Variants in ZSCAN31 observed in about 807,000 individuals in gnomAD.
ZSCAN31 encodes the protein zinc finger and SCAN domain containing 31, also known as zinc finger and SCAN domain-containing protein 31.
In ZSCAN31, 14 loss-of-function variants were observed where a neutral mutation model predicts 22.5. The observed-to-expected ratio is 0.62, with a 90% CI of 0.41 to 0.97. ZSCAN31 has a LOEUF of 0.97. Ranked by LOEUF, ZSCAN31 falls within the 50% of genes least tolerant of loss-of-function variation. The pLI is 0.00. For synonymous variants in ZSCAN31, 168 were observed against 169.8 expected (o/e 0.99, Z 0.08); for missense variants, 424 against 483.4 (o/e 0.88, Z 1.15).
intron 2 of ZSCAN31, among the ~76,000 whole-genome samples, 156 bp from the exon 3 acceptor site, chr6:28,327,689 A>G (rs1763405565): frequency 6.6e-6 from 1 of 152,202 alleles, no homozygotes; most frequent in South Asian, 2.1e-4. Context: ...AAAGCAAAAC[A>G]GGGAAGAGTG....
At chr6:28,348,904 C>T (rs1764767909) in intron 2 of ZSCAN31, among the ~76,000 whole-genome samples, 1 of 149,314 alleles carries the variant, frequency 6.7e-6, no homozygotes, top group South Asian at 2.1e-4. Context: ...GTCTTATATA[C>T]ATAGGTGTAT....
chr6:28,327,635 G>C (rs1188050192), intron 2 of ZSCAN31, 102 bp from the exon 3 acceptor site: 2 of 1,324,990 alleles, frequency 1.5e-6, no homozygotes, highest in South Asian at 2.8e-5. Context: ...ACATTTTCTA[G>C]AGAGATGTCA....
chr6:28,340,675 T>G (rs974257759), upstream of ZSCAN31, among the ~76,000 whole-genome samples: 1 of 152,260 alleles, frequency 6.6e-6, no homozygotes. Context: ...TTTTGTAGTA[T>G]TCTTATATAT....
At chr6:28,340,861 C>T (rs1277118844), upstream of ZSCAN31, among the ~76,000 whole-genome samples, 1 of 152,062 alleles carries the variant, frequency 6.6e-6, no homozygotes, top group East Asian at 1.9e-4. Flanking sequence ...GCTGTCACTT[C>T]CCTTCAGACT....
At chr6:28,330,725 A>C (rs1347831047) in intron 1 of ZSCAN31, among the ~76,000 whole-genome samples, 2 of 152,200 alleles carry the variant, frequency 1.3e-5, no homozygotes, top group African/African-American at 4.8e-5. Context: ...CTCTAGGAGG[A>C]GAACAGGATA....
At position 28,335,517 on chromosome 6, in the gene ZSCAN31, A is replaced by G. The variant is rs149915866; in HGVS notation, c.-96+565T>C. ...CGCTCTACTTTCCTTTATTAGGACT[A>G]TAAGCCCAGCTTCTGTGAATCATCA... On this transcript the variant is annotated intron_variant, in intron 1 of 3. Coordinates refer to ENST00000344279, the MANE Select transcript of ZSCAN31 (RefSeq NM_030899.5). The G allele has an allele frequency of 2.6e-5, 4 of 152,350 alleles. No individual in the cohort carries two copies. In the East Asian group the frequency reaches 5.8e-4, roughly 22 times the overall value. The allele number at this position is 152,350 out of a possible 1,614,324, so 9.4% of individuals were successfully genotyped here.
chr6:28,330,825 C>A (rs1216505073), intron 1 of ZSCAN31, among the ~76,000 whole-genome samples: 2 of 152,088 alleles, frequency 1.3e-5, no homozygotes, highest in Non-Finnish European at 2.9e-5. Context: ...AAAAGAATTT[C>A]TGACAGGGTA....
At chr6:28,332,314 T>G (rs1002430644) in intron 1 of ZSCAN31, 1 of 152,278 alleles carries the variant, frequency 6.6e-6, no homozygotes, top group Non-Finnish European at 1.5e-5. Context: ...CTTCAATGTT[T>G]TGTTTACCTG....
chr6:28,347,611 T>G lies in ZSCAN31; in HGVS notation c.-370-5819A>C, dbSNP rs1483923698. 6.6e-6 allele frequency among the ~76,000 whole-genome samples: 1 copy of G among 152,220 alleles called. No homozygotes were observed. Among genetic ancestry groups the G allele is most frequent in the Non-Finnish European group, 1.5e-5 (1 of 68,044 alleles). ...ATTATTTTTTTGGCTCAGTCTCCCC[T>G]GGAACATTAGCTCTATGAGAACAGG... On this transcript the variant is annotated intron_variant, in intron 2 of 7. Coordinates refer to the ZSCAN31 transcript ENST00000396838. This position sits in a 1 kb window ranked among gnomAD's most constrained non-coding sequence, Gnocchi z 5.2.
chr6:28,338,838 T>C (rs1764300752), upstream of ZSCAN31, among the ~76,000 whole-genome samples: 1 of 152,200 alleles, frequency 6.6e-6, no homozygotes, highest in African/African-American at 2.4e-5. Context: ...TCCTCTAGCA[T>C]GGTTGATCAA....
chr6:28,342,639 T>C (rs1300025017), intron 2 of ZSCAN31, among the ~76,000 whole-genome samples: 2 of 152,190 alleles, frequency 1.3e-5, no homozygotes, highest in African/African-American at 2.4e-5. Flanking sequence ...TGTATCAAGA[T>C]AGAGGCACTC....
chr6:28,350,537 CTATTTTGTAAAATGGGGATAA>C (rs1159490536), intron 2 of ZSCAN31: 1 of 152,180 alleles, frequency 6.6e-6, no homozygotes, highest in African/African-American at 2.4e-5. Context: ...CCTCATTTTA[CTATTTTGTAAAATGGGGATAA>C]TATTCCCTAA....
rs1763237684 is a variant in ZSCAN31, at chr6:28,326,146, C to G, written c.*20G>C. On this transcript the variant is annotated 3_prime_UTR_variant, in exon 4 of 4. Transcript: ENST00000344279. ...ATAAGGTTGCAATGATGACTGAAGG[C>G]TTTCCCAAACTCATCACCCTTATGG... 6.3e-7 allele frequency: 1 copy of G among 1,577,870 alleles called. No homozygotes were observed. The highest frequency in any genetic ancestry group is 8.6e-7 in the Non-Finnish European group (1 of 1,159,996).
At chr6:28,341,958 A>G (rs1387252162) in intron 2 of ZSCAN31, among the ~76,000 whole-genome samples, 2 of 152,028 alleles carry the variant, frequency 1.3e-5, no homozygotes, top group Non-Finnish European at 2.9e-5. Context: ...TTTTTTTTTT[A>G]GAATTTAGGT....
chr6:28,352,964 CTTTTTTTTTTT>C (rs5875156), intron 2 of ZSCAN31, among the ~76,000 whole-genome samples: 2 of 129,918 alleles, frequency 1.5e-5, no homozygotes, highest in Non-Finnish European at 3.2e-5. Flanking sequence ...TTTTCTTTTT[CTTTTTTTTTTT>C]TTTTTTGAGG....
At chr6:28,330,152 A>G (rs556784478) in intron 1 of ZSCAN31, among the ~76,000 whole-genome samples, 3 of 152,314 alleles carry the variant, frequency 2.0e-5, no homozygotes, top group Admixed American at 1.3e-4. Context: ...GATATCTTTC[A>G]GATGATAAGA....
At chr6:28,343,071 C>G (rs1396633988) in intron 2 of ZSCAN31, among the ~76,000 whole-genome samples, 1 of 152,090 alleles carries the variant, frequency 6.6e-6, no homozygotes, top group African/African-American at 2.4e-5. Context: ...CATATAGGGG[C>G]CAGATAAGAA....
Position 28,326,270 on chromosome 6 carries a change from G to C in ZSCAN31, c.1117C>G (p.His373Asp), listed in dbSNP as rs754479684. 9 of 1,613,058 alleles carry C rather than the reference G, an allele frequency of 5.6e-6. No homozygotes were observed. The highest frequency in any genetic ancestry group is 6.8e-6 in the Non-Finnish European group (8 of 1,179,580). ...CACTGATAGGGTTTCTCACCAGTGT[G>C]GACTCGGAGATGCTGGAAAAGCCCT... Reference protein sequence around the residue: ...NAGLFQHLRVHTGEKPYQCSQ... With the variant: ...NAGLFQHLRVDTGEKPYQCSQ... Residue 373 changes from histidine (H) to aspartate (D), a missense_variant, in exon 4 of 4, where the codon CAC (histidine) becomes GAC (aspartate). Coordinates refer to ENST00000344279, the MANE Select transcript of ZSCAN31 (RefSeq NM_030899.5).
At chr6:28,352,208 A>G (rs73399652) in intron 2 of ZSCAN31, among the ~76,000 whole-genome samples, 1,642 of 152,308 alleles carry the variant, frequency 0.011, 31 homozygotes, top group African/African-American at 0.036. Flanking sequence ...TCTTTTTAGT[A>G]TCTTTAACTT....
Sources: gnomAD v4.1 joint callset for allele counts (sites outside exome capture counted in the v4.1 genomes callset) on GRCh38, gnomAD v4.1.1 for gene constraint, Gnocchi (gnomAD v3.1) non-coding constraint, MANE v1.5 for transcripts, NCBI Gene and HGNC (gene_info 2026-07-23, HGNC 2026-07-21) for gene names.